TTC28: variants seen among roughly 807,000 people sequenced by gnomAD.
TTC28 encodes the protein tetratricopeptide repeat domain 28, also known as tetratricopeptide repeat protein 28.
A neutral mutation model predicts 198.0 loss-of-function variants in TTC28; 61 were observed. The ratio of observed to expected loss-of-function variants is 0.31; its 90% CI spans 0.25 to 0.38. TTC28 has a LOEUF of 0.38. Ranked by LOEUF, TTC28 falls within the 10% of genes least tolerant of loss-of-function variation. TTC28 has a pLI of 1.00. For missense variants in TTC28, 2,678 were observed against 3,164.0 expected, an observed-to-expected ratio of 0.85 and a Z score of 3.69; for synonymous variants, 1,171 against 1,297.8, an observed-to-expected ratio of 0.90 and a Z score of 2.10.
intron 2 of TTC28, among the ~76,000 whole-genome samples, chr22:28,579,150 CT>C (rs2050194394): frequency 6.7e-6 from 1 of 148,818 alleles, no homozygotes; most frequent in African/African-American, 2.5e-5. Context: ...ATGTATATAG[CT>C]ATACATACAT....
At chr22:28,044,045 G>T (rs572720605) in intron 12 of TTC28, among the ~76,000 whole-genome samples, 6 of 152,292 alleles carry the variant, frequency 3.9e-5, no homozygotes, top group South Asian at 2.1e-4. Context: ...CCCACTGTAG[G>T]GGCTAGCAGT....
chr22:28,161,235 T>C (rs967226531), intron 6 of TTC28, among the ~76,000 whole-genome samples: 3 of 152,126 alleles, frequency 2.0e-5, no homozygotes, highest in Non-Finnish European at 2.9e-5. Context: ...GCTTGTAATA[T>C]AAAAAACAAA....
Position 28,163,330 on chromosome 22 carries a change from G to T in TTC28, c.1203C>A (p.Gly401=). 2 of 1,552,074 alleles carry T rather than the reference G, an allele frequency of 1.3e-6. No individual in the cohort carries two copies. The highest frequency in any genetic ancestry group is 1.7e-6 in the Non-Finnish European group (2 of 1,147,076). The change falls in exon 6 of 23, where the codon GGC becomes GGA. Residue 401 remains glycine (G), a synonymous_variant. Coordinates refer to ENST00000397906, the MANE Select transcript of TTC28 (RefSeq NM_001145418.2). The part of the protein sequence containing the change: ...REEARAYSNL[G]SAYHYRRNFD... ...AGTTCCTCCGGTAGTGATAGGCACT[G>T]CCCAGGTTGCTATAAGCCCGGGCCT...
chr22:28,057,398 A>G (rs1940331126), intron 12 of TTC28, among the ~76,000 whole-genome samples: 1 of 152,138 alleles, frequency 6.6e-6, no homozygotes, highest in African/African-American at 2.4e-5. Flanking sequence ...ATCATGCTAG[A>G]TATTTTTTGA....
chr22:28,679,741 CG>C lies in TTC28; in HGVS notation c.-19del. ...TGCTCCATCCCCACGGGGCCCGGGC[CG>C]CGTCCGCCTCGAGCTAACGGTCCCG... On this transcript the variant is annotated 5_prime_UTR_variant, in exon 1 of 23. Transcript: ENST00000397906. 1.7e-6 allele frequency: 2 copies of C among 1,205,432 alleles called. No homozygotes were observed. Among genetic ancestry groups the C allele is most frequent in the Non-Finnish European group, 2.1e-6 (2 of 967,708 alleles). The allele number at this position is 1,205,432 out of a possible 1,614,324, so 74.7% of individuals were successfully genotyped here.
rs1936989891 is a variant in TTC28 at position 27,980,926 on chromosome 22, A to G, written c.*1295T>C. 6.6e-6 allele frequency: 1 copy of G among 152,298 alleles called. No individual in the cohort carries two copies. Among genetic ancestry groups the G allele is most frequent in the African/African-American group, 2.4e-5 (1 of 41,454 alleles). The allele number at this position is 152,298 out of a possible 1,614,324, so 9.4% of individuals were successfully genotyped here. The stretch of plus-strand genomic sequence containing the variant: ...TACATCTCTCTCTTCCCGGTTGGCC[A>G]TAATCCAGGCATACGTCCCAGCAAA... On this transcript the variant is annotated 3_prime_UTR_variant, in exon 23 of 23. Coordinates refer to ENST00000397906, the MANE Select transcript of TTC28 (RefSeq NM_001145418.2).
chr22:28,516,969 A>G (rs1193722109), intron 2 of TTC28, among the ~76,000 whole-genome samples: 1 of 152,210 alleles, frequency 6.6e-6, no homozygotes, highest in African/African-American at 2.4e-5. Flanking sequence ...ACTATTCTGT[A>G]GTGAGTAAAT....
At position 28,163,103 on chromosome 22, in the gene TTC28, G is replaced by A; in HGVS notation, c.1430C>T (p.Ser477Phe). The change falls in exon 6 of 23, where the codon TCC (serine) becomes TTC (phenylalanine). Residue 477 changes from serine to phenylalanine, a missense_variant. Physicochemically the swap from Ser to Phe is radical, Grantham distance 155. Transcript: ENST00000397906. ...LKDRAAEGRA[S>F]SNLGIIHQMK... ...AACCCTGTTCTTACCTAGATTGGAGGATGCTCGCCCCTCTGCAGCCCGGTC... is the reference window on the plus strand; with the variant it reads ...AACCCTGTTCTTACCTAGATTGGAGAATGCTCGCCCCTCTGCAGCCCGGTC... 6.5e-7 allele frequency: 1 copy of A among 1,548,718 alleles called. No individual in the cohort carries two copies. Among genetic ancestry groups the A allele is most frequent in the Non-Finnish European group, 8.7e-7 (1 of 1,145,366 alleles).
chr22:28,641,573 T>C (rs1429038995), intron 1 of TTC28, among the ~76,000 whole-genome samples: 1 of 152,168 alleles, frequency 6.6e-6, no homozygotes, highest in Non-Finnish European at 1.5e-5. Flanking sequence ...GAAAATGTTC[T>C]AGAATTAGAT....
At chr22:28,431,140 T>G (rs1019063119) in intron 2 of TTC28, among the ~76,000 whole-genome samples, 1 of 152,178 alleles carries the variant, frequency 6.6e-6, no homozygotes, top group Non-Finnish European at 1.5e-5. Flanking sequence ...CTGGTGATGC[T>G]TAACATATGC....
rs1038256143 is a variant in TTC28 at position 28,105,485 on chromosome 22, G to A, written c.3101C>T (p.Thr1034Met). Residue 1034 changes from threonine to methionine, a missense_variant, in exon 8 of 23, where the codon ACG becomes ATG. Coordinates refer to ENST00000397906, the MANE Select transcript of TTC28 (RefSeq NM_001145418.2). The stretch of plus-strand genomic sequence containing the variant: ...GTTCCCATAGGCTCGGCCCTGGCAC[G>A]TGGGGTTGTTGGTTTCCTCTGCTAT... ...LQIAEETNNP[T>M]CQGRAYGNLG... The A allele has an allele frequency of 1.1e-5, 17 of 1,551,550 alleles. No homozygotes were observed. The highest frequency in any genetic ancestry group is 8.2e-5 in the African/African-American group (6 of 73,010).
chr22:28,648,165 A>G (rs1183418371), intron 1 of TTC28, among the ~76,000 whole-genome samples: 1 of 150,758 alleles, frequency 6.6e-6, no homozygotes, highest in Non-Finnish European at 1.5e-5. Context: ...CGGAGCTTGC[A>G]GCGAGCCAAG....
chr22:28,075,554 A>G (rs1372467293), intron 12 of TTC28, among the ~76,000 whole-genome samples: 1 of 152,208 alleles, frequency 6.6e-6, no homozygotes, highest in Non-Finnish European at 1.5e-5. Flanking sequence ...CCAACTTTGG[A>G]TCTTACAAGA....
chr22:28,336,710 T>C (rs565977563), intron 2 of TTC28, among the ~76,000 whole-genome samples: 1 of 152,318 alleles, frequency 6.6e-6, no homozygotes, highest in South Asian at 2.1e-4. Context: ...TTTTATTGCA[T>C]CTATTTGATT....
chr22:28,586,392 G>C (rs2050319753), intron 2 of TTC28, among the ~76,000 whole-genome samples: 1 of 151,460 alleles, frequency 6.6e-6, no homozygotes, highest in Non-Finnish European at 1.5e-5. Flanking sequence ...ATAATATATA[G>C]ATTTTTAAAA....
intron 2 of TTC28, among the ~76,000 whole-genome samples, chr22:28,560,575 C>A (rs1281183329): frequency 6.6e-6 from 1 of 152,114 alleles, no homozygotes; most frequent in African/African-American, 2.4e-5. Context: ...ACCCAAGGAA[C>A]TGTCTGTTTT....
chr22:28,655,101 T>C (rs1406437853), intron 1 of TTC28, among the ~76,000 whole-genome samples: 1 of 152,218 alleles, frequency 6.6e-6, no homozygotes, highest in Non-Finnish European at 1.5e-5. Context: ...ATGCAGGACA[T>C]CACTTATAAC....
At chr22:28,160,459 G>C (rs559259506) in intron 6 of TTC28, among the ~76,000 whole-genome samples, 9 of 152,246 alleles carry the variant, frequency 5.9e-5, no homozygotes, top group African/African-American at 2.2e-4. Flanking sequence ...CATTTAACAA[G>C]TGGCAATACA....
intron 12 of TTC28, among the ~76,000 whole-genome samples, chr22:28,087,128 A>G (rs1941637046): frequency 2.0e-5 from 3 of 152,178 alleles, no homozygotes; most frequent in Admixed American, 2.0e-4. Context: ...TCCAATCAAT[A>G]GAAAAAGAGG....
Sources: gnomAD v4.1 joint callset for allele counts (sites outside exome capture counted in the v4.1 genomes callset) on GRCh38, gnomAD v4.1.1 for gene constraint, MANE v1.5 for transcripts, NCBI Gene and HGNC (gene_info 2026-07-23, HGNC 2026-07-21) for gene names.